MACC1: variants seen among roughly 807,000 people sequenced by gnomAD.
MACC1 encodes MET transcriptional regulator MACC1, also known as metastasis-associated in colon cancer protein 1.
A neutral mutation model predicts 70.7 loss-of-function variants in MACC1; 79 were observed. The observed-to-expected ratio is 1.12, with a 90% confidence interval of 0.93 to 1.35. MACC1 has a LOEUF of 1.35. MACC1 is among the 40% of genes most tolerant of loss of function. The probability of loss-of-function intolerance (pLI) is 0.00; values close to 1 mark genes in which losing one functional copy is unlikely to be tolerated. For synonymous variants in MACC1, 361 were observed against 347.2 expected (o/e 1.04, Z -0.44); for missense variants, 1,106 against 978.1 (o/e 1.13, Z -1.74).
Position 20,158,700 on chromosome 7 carries a change from C to T in MACC1, c.1661G>A (p.Gly554Glu). ...TCTTAGCACTGCCTTCAGGGTTACCCCATAGTTGCTAAAGTTCAATGTTTT... is the reference window on the plus strand; with the variant it reads ...TCTTAGCACTGCCTTCAGGGTTACCTCATAGTTGCTAAAGTTCAATGTTTT... ...QDKTLNFSNY[G>E]VTLKAVLRQS... is the part of the protein sequence containing the mutation. Residue 554 changes from glycine (G) to glutamate (E), a missense_variant, in exon 5 of 7, where the codon GGG becomes GAG. Transcript: ENST00000400331. 1.9e-6 allele frequency: 3 copies of T among 1,613,834 alleles called. No individual in the cohort carries two copies. The highest frequency in any genetic ancestry group is 2.5e-6 in the Non-Finnish European group (3 of 1,179,996).
In MACC1 at chr7:20,160,058, A is replaced by C. The variant is rs371483389; in HGVS notation, c.303T>G (p.Phe101Leu). 10 of 1,610,194 alleles carry C rather than the reference A, an allele frequency of 6.2e-6. No homozygotes were observed. Among genetic ancestry groups the C allele is most frequent in the Non-Finnish European group, 6.8e-6 (8 of 1,178,856 alleles). ...CATTTTCTATTTCTCTACAGAAAAG[A>C]AAAGGATCTTCCTTTAAGATGGAAA... Reference protein sequence around the residue: ...NNISILKEDPFLFCREIENGN... With the variant: ...NNISILKEDPLLFCREIENGN... The change falls in exon 5 of 7, where the codon TTT becomes TTG. Residue 101 changes from phenylalanine to leucine, a missense_variant. Phe to Leu is a conservative substitution (Grantham distance 22). Coordinates refer to ENST00000400331, the MANE Select transcript of MACC1 (RefSeq NM_182762.4).
intron 1 of MACC1, among the ~76,000 whole-genome samples, chr7:20,171,910 A>C (rs1441750098): frequency 6.6e-6 from 1 of 152,158 alleles, no homozygotes; most frequent in East Asian, 1.9e-4. Flanking sequence ...GAGTTACAAG[A>C]AGTCTGGAGG....
intron 6 of MACC1, chr7:20,153,502 A>T (rs1782011160): frequency 6.6e-6 from 1 of 152,198 alleles, no homozygotes; most frequent in African/African-American, 2.4e-5. Context: ...ATTTTTATTT[A>T]TTTAATTCAA....
At position 20,137,960 on chromosome 7, in the gene MACC1, C is replaced by G. The variant is rs1050622645; in HGVS notation, c.*2986G>C. On this transcript the variant is annotated 3_prime_UTR_variant, in exon 7 of 7. Transcript: ENST00000400331. ...CTGAGGTCAGGAGTTCCAGACCAGTCTGGCCAAAATGGTAAAACCTTGTCT... is the reference window on the plus strand; with the variant it reads ...CTGAGGTCAGGAGTTCCAGACCAGTGTGGCCAAAATGGTAAAACCTTGTCT... The G allele has an allele frequency of 2.0e-5, 3 of 151,910 alleles. No homozygotes were observed. The highest frequency in any genetic ancestry group is 6.6e-5 in the Admixed American group (1 of 15,238). 9.4% of individuals were successfully genotyped at this position (151,910 alleles called of 1,614,324 possible).
intron 6 of MACC1, among the ~76,000 whole-genome samples, chr7:20,153,812 AAGTACATATCATTATGT>A (rs1202267716): frequency 9.2e-5 from 14 of 152,112 alleles, no homozygotes; most frequent in Non-Finnish European, 2.1e-4. Flanking sequence ...TGAGGCCGAT[AAGTACATATCATTATGT>A]CTTCCTCTAT....
rs1044940583 is a variant in MACC1 at position 20,177,061 on chromosome 7, T to C, written c.-217-6283A>G. On this transcript the variant is annotated intron_variant, in intron 1 of 6. Transcript: ENST00000400331. ...CAAAGAGCTATACATACACACCTTGTACAAGTGTCAATTTCCTGGTTTTGA... is the reference window on the plus strand; with the variant it reads ...CAAAGAGCTATACATACACACCTTGCACAAGTGTCAATTTCCTGGTTTTGA... Among the ~76,000 whole-genome samples the C allele has an allele frequency of 3.3e-5, 5 of 152,180 alleles. No individual in the cohort carries two copies. The East Asian group carries it at 9.6e-4, about 29-fold the overall frequency.
chr7:20,168,484 CA>C (rs1266617539), intron 2 of MACC1, among the ~76,000 whole-genome samples: 3 of 152,084 alleles, frequency 2.0e-5, no homozygotes, highest in Non-Finnish European at 4.4e-5. Flanking sequence ...TCATAGAACA[CA>C]AAGAAGCCAC....
At chr7:20,171,950 G>A (rs1782314811) in intron 1 of MACC1, among the ~76,000 whole-genome samples, 2 of 152,234 alleles carry the variant, frequency 1.3e-5, no homozygotes, top group Admixed American at 1.3e-4. Flanking sequence ...ACTGCCCTGG[G>A]TAAGAAAGGA....
Position 20,158,519 on chromosome 7 carries a change from G to A in MACC1, c.1842C>T (p.Val614=). 6.2e-7 allele frequency: 1 copy of A among 1,614,054 alleles called. No homozygotes were observed. The highest frequency in any genetic ancestry group is 8.5e-7 in the Non-Finnish European group (1 of 1,180,000). ...TTACTTGCTCCTTTGAAATCACCTT[G>A]ACATTTTTGCAGTGTACAAGTCCAA... ...GKIGLVHCKN[V]KVISKEQVMF... Residue 614 remains valine, a synonymous_variant, in exon 5 of 7, where the codon GTC becomes GTT. Coordinates refer to ENST00000400331, the MANE Select transcript of MACC1 (RefSeq NM_182762.4).
At chr7:20,182,899 C>T (rs1205081572) in intron 1 of MACC1, among the ~76,000 whole-genome samples, 1 of 152,090 alleles carries the variant, frequency 6.6e-6, no homozygotes, top group Non-Finnish European at 1.5e-5. Flanking sequence ...TATGTAAAAA[C>T]AAATTAAACT....
intron 1 of MACC1, among the ~76,000 whole-genome samples, chr7:20,181,768 G>A (rs1464174100): frequency 6.6e-6 from 1 of 151,572 alleles, no homozygotes; most frequent in Non-Finnish European, 1.5e-5. Flanking sequence ...GTAACCAAAG[G>A]GCTCATAACC....
chr7:20,181,189 G>C (rs1253865271), intron 1 of MACC1, among the ~76,000 whole-genome samples: 1 of 151,808 alleles, frequency 6.6e-6, no homozygotes, highest in African/African-American at 2.4e-5. Flanking sequence ...CTAAAACTAT[G>C]TTCTAAAACT....
rs73278541 is a variant in MACC1 at position 20,211,635 on chromosome 7, G to T, written c.-218+5664C>A. Reference sequence around the variant, plus strand: ...CATTTGAGATAAACAAGTATGTTTAGAATAGAAACAGGAACTCCTATTTTG... The same window carrying T: ...CATTTGAGATAAACAAGTATGTTTATAATAGAAACAGGAACTCCTATTTTG... On this transcript the variant is annotated intron_variant, in intron 1 of 6. Transcript: ENST00000400331. 1.2e-3 allele frequency among the ~76,000 whole-genome samples: 178 copies of T among 152,292 alleles called. 1 individual carries two copies. The highest frequency in any genetic ancestry group is 4.0e-3 in the African/African-American group (166 of 41,560).
chr7:20,196,532 A>T (rs1474345425), intron 1 of MACC1, among the ~76,000 whole-genome samples: 4 of 152,070 alleles, frequency 2.6e-5, no homozygotes, highest in African/African-American at 7.2e-5. Context: ...ATCCAGTCAC[A>T]CTGGAGAAAG....
intron 1 of MACC1, among the ~76,000 whole-genome samples, chr7:20,189,602 C>G (rs1782641766): frequency 6.6e-6 from 1 of 152,058 alleles, no homozygotes; most frequent in Non-Finnish European, 1.5e-5. Flanking sequence ...GAAAGAAATG[C>G]CAGCAACAGT....
chr7:20,159,806 T>A lies in MACC1; in HGVS notation c.555A>T (p.Gln185His). ...REAYKMAWLS[Q>H]RQLARSCLDL... The stretch of plus-strand genomic sequence containing the variant: ...CAAGGCAGGAGCGGGCCAGCTGGCG[T>A]TGACTTAACCAAGCCATTTTATAAG... Residue 185 changes from glutamine to histidine, a missense_variant, in exon 5 of 7, where the codon CAA (glutamine) becomes CAT (histidine). Transcript: ENST00000400331. 2.5e-6 allele frequency: 4 copies of A among 1,614,140 alleles called. No individual in the cohort carries two copies. The highest frequency in any genetic ancestry group is 3.4e-6 in the Non-Finnish European group (4 of 1,180,026).
rs117068082 is a variant in MACC1, at chr7:20,206,025, T to C, written c.-218+11274A>G. ...TAGTTTCACAATCTTCTCTGTTGTT[T>C]CAGATGAAAATATTAGAGCCCTCTT... On this transcript the variant is annotated intron_variant, in intron 1 of 6. Transcript: ENST00000400331. Among the ~76,000 whole-genome samples the C allele has an allele frequency of 1.1e-4, 17 of 152,142 alleles. No individual in the cohort carries two copies. In the East Asian group the frequency reaches 3.3e-3, roughly 30 times the overall value.
At chr7:20,189,043 G>C (rs1014923410) in intron 1 of MACC1, among the ~76,000 whole-genome samples, 8 of 151,660 alleles carry the variant, frequency 5.3e-5, no homozygotes, top group Admixed American at 2.0e-4. Context: ...GCATGTTCTT[G>C]CCTTAGGGCC....
At chr7:20,183,576 T>C (rs979539606) in intron 1 of MACC1, among the ~76,000 whole-genome samples, 1 of 152,232 alleles carries the variant, frequency 6.6e-6, no homozygotes, top group Non-Finnish European at 1.5e-5. Flanking sequence ...TGGAATCTAA[T>C]GCAACAAGAT....
Sources: gnomAD v4.1 joint callset for allele counts (sites outside exome capture counted in the v4.1 genomes callset) on GRCh38, gnomAD v4.1.1 for gene constraint, MANE v1.5 for transcripts, NCBI Gene and HGNC (gene_info 2026-07-23, HGNC 2026-07-21) for gene names.